COL4A2: variants seen among roughly 807,000 people sequenced by gnomAD.
COL4A2 encodes collagen alpha-2(IV) chain.
A neutral mutation model predicts 200.2 loss-of-function variants in COL4A2; 99 were observed. The observed-to-expected ratio is 0.49, with a 90% CI of 0.42 to 0.58. The LOEUF (loss-of-function observed/expected upper bound fraction) is 0.58, where lower values mean the gene tolerates loss of function less well. Ranked by LOEUF, COL4A2 falls within the 20% of genes least tolerant of loss-of-function variation. The pLI is 0.00. For synonymous variants in COL4A2, 897 were observed against 900.6 expected, an observed-to-expected ratio of 1.00 and a Z score of 0.07; for missense variants, 1,950 against 2,314.1, an observed-to-expected ratio of 0.84 and a Z score of 3.23.
At position 110,408,963 on chromosome 13, in the gene COL4A2, ATAACGCACATATACACACACATG is replaced by A. The variant is rs1879707049; in HGVS notation, c.181-15770_181-15748del. On this transcript the variant is annotated intron_variant, in intron 4 of 47. Coordinates refer to ENST00000360467, the MANE Select transcript of COL4A2 (RefSeq NM_001846.4). ...CACATATATACACGGACACATACAC[ATAACGCACATATACACACACATG>A]CACACACGCACACATACACACACAC... 6.8e-5 allele frequency among the ~76,000 whole-genome samples: 2 copies of A among 29,622 alleles called. 1 individual carries two copies. Among genetic ancestry groups the A allele is most frequent in the Non-Finnish European group, 1.3e-4 (2 of 15,810 alleles). 19.4% of individuals were successfully genotyped at this position (29,622 alleles called of 152,430 possible).
intron 3 of COL4A2, among the ~76,000 whole-genome samples, chr13:110,352,517 A>T (rs749313001): frequency 1.6e-4 from 25 of 152,250 alleles, no homozygotes; most frequent in Non-Finnish European, 2.6e-4. Flanking sequence ...AGCACAGTGC[A>T]TGGCTCAGAG....
intron 3 of COL4A2, among the ~76,000 whole-genome samples, chr13:110,316,633 T>C (rs1885135642): frequency 6.6e-6 from 1 of 152,180 alleles, no homozygotes. Flanking sequence ...TAAAACACCC[T>C]GCGAAGAAAC....
At chr13:110,487,598 T>C (rs1407833522) in intron 34 of COL4A2, among the ~76,000 whole-genome samples, 1 of 152,218 alleles carries the variant, frequency 6.6e-6, no homozygotes, top group Admixed American at 6.5e-5. Flanking sequence ...CGTGGTATAT[T>C]CTAACCAGAC....
rs943523740 is a variant in COL4A2 at position 110,395,620 on chromosome 13, A to G, written c.181-29114A>G. Reference sequence around the variant, plus strand: ...GTTTCTAATTGAAAACTTTTTCCCCAAAAGTTTTTGTGCTTTTGAAGCAAA... The same window carrying G: ...GTTTCTAATTGAAAACTTTTTCCCCGAAAGTTTTTGTGCTTTTGAAGCAAA... On this transcript the variant is annotated intron_variant, in intron 4 of 47. Transcript: ENST00000360467. 7.2e-5 allele frequency among the ~76,000 whole-genome samples: 11 copies of G among 152,306 alleles called. No individual in the cohort carries two copies. In the East Asian group the frequency reaches 2.1e-3, roughly 29 times the overall value.
intron 12 of COL4A2, among the ~76,000 whole-genome samples, chr13:110,434,643 G>A (rs527783099): frequency 1.1e-4 from 16 of 152,302 alleles, no homozygotes; most frequent in African/African-American, 3.6e-4. Context: ...TCAACAAGAC[G>A]GTAAACATAG....
chr13:110,384,124 G>A (rs1878595132), intron 4 of COL4A2, among the ~76,000 whole-genome samples: 1 of 152,214 alleles, frequency 6.6e-6, no homozygotes, highest in Non-Finnish European at 1.5e-5. Context: ...GTTTAGACTT[G>A]TGGCTCACTC....
At chr13:110,476,053 C>T (rs1034976596) in intron 29 of COL4A2, among the ~76,000 whole-genome samples, 4 of 152,224 alleles carry the variant, frequency 2.6e-5, no homozygotes, top group Admixed American at 6.5e-5. Context: ...CTCAGAAGCA[C>T]GCCCAGACTG....
rs1248459876 is a variant in COL4A2, at chr13:110,438,680, C to T, written c.912+12C>T. On this transcript the variant is annotated intron_variant, in intron 15 of 47. Coordinates refer to ENST00000360467, the MANE Select transcript of COL4A2 (RefSeq NM_001846.4). ...TTCCTGGACTGAGGGTAAACCACGC[C>T]TTTTATAACTGCAGTTGTCGGTTTG... The T allele has an allele frequency of 2.5e-6, 4 of 1,614,062 alleles. No homozygotes were observed. Among genetic ancestry groups the T allele is most frequent in the Middle Eastern group, 1.6e-4 (1 of 6,084 alleles).
chr13:110,391,821 A>G (rs958832275), intron 4 of COL4A2, among the ~76,000 whole-genome samples: 53 of 152,324 alleles, frequency 3.5e-4, no homozygotes, highest in African/African-American at 1.3e-3. Flanking sequence ...GAACCACTGC[A>G]TTCTTCAGTG....
chr13:110,470,431 AC>A (rs1052903911), intron 28 of COL4A2, among the ~76,000 whole-genome samples: 5 of 152,024 alleles, frequency 3.3e-5, no homozygotes, highest in African/African-American at 1.2e-4. Flanking sequence ...GGGAGTTCTC[AC>A]CGGGCTGTTC....
intron 4 of COL4A2, among the ~76,000 whole-genome samples, chr13:110,375,729 T>C (rs1257116699): frequency 6.6e-6 from 1 of 151,708 alleles, no homozygotes; most frequent in Non-Finnish European, 1.5e-5. Flanking sequence ...ATTTGGGAGC[T>C]GAAGGCAGGA....
intron 4 of COL4A2, among the ~76,000 whole-genome samples, chr13:110,408,587 G>A (rs959484741): frequency 4.6e-5 from 7 of 152,176 alleles, no homozygotes; most frequent in African/African-American, 1.7e-4. Context: ...TCTGGCCATC[G>A]TCGGGGTCAT....
At chr13:110,405,975 G>A (rs189822861) in intron 4 of COL4A2, among the ~76,000 whole-genome samples, 57 of 152,318 alleles carry the variant, frequency 3.7e-4, no homozygotes, top group Admixed American at 2.5e-3. Flanking sequence ...GATGAATCCC[G>A]ATCGGGGGAA....
At chr13:110,366,477 C>T (rs1877757507) in intron 4 of COL4A2, among the ~76,000 whole-genome samples, 1 of 152,184 alleles carries the variant, frequency 6.6e-6, no homozygotes, top group Admixed American at 6.5e-5. Flanking sequence ...GAGAAAACTA[C>T]TAGATTGTTT....
chr13:110,451,096 C>T (rs1881524951), intron 20 of COL4A2, among the ~76,000 whole-genome samples: 1 of 152,318 alleles, frequency 6.6e-6, no homozygotes, highest in African/African-American at 2.4e-5. Context: ...CCCAGTAGTG[C>T]ATCCCTGAGT....
chr13:110,415,396 G>A (rs561364659), intron 4 of COL4A2, among the ~76,000 whole-genome samples: 1 of 152,292 alleles, frequency 6.6e-6, no homozygotes, highest in East Asian at 1.9e-4. Flanking sequence ...CAAGCATTTT[G>A]TAACAACAGA....
At chr13:110,466,113 G>C in intron 26 of COL4A2, 51 bp downstream of exon 26, 2 of 1,584,814 alleles carry the variant, frequency 1.3e-6, no homozygotes, top group Non-Finnish European at 1.7e-6. Context: ...CTCTCATTTG[G>C]TCTGCTGGTT....
intron 3 of COL4A2, among the ~76,000 whole-genome samples, chr13:110,317,921 CAG>C (rs1283364918): frequency 6.6e-6 from 1 of 152,216 alleles, no homozygotes; most frequent in African/African-American, 2.4e-5. Flanking sequence ...TACAGAGAGA[CAG>C]GGGATTCCAT....
chr13:110,466,139 G>T, intron 26 of COL4A2, 77 bp downstream of exon 26: 1 of 1,512,882 alleles, frequency 6.6e-7, no homozygotes, highest in Admixed American at 1.9e-5. Context: ...CTTGCAGTAT[G>T]CGTGGGATAA....
Sources: gnomAD v4.1 joint callset for allele counts (sites outside exome capture counted in the v4.1 genomes callset) on GRCh38, gnomAD v4.1.1 for gene constraint, MANE v1.5 for transcripts, NCBI Gene and HGNC (gene_info 2026-07-23, HGNC 2026-07-21) for gene names.